Variants in KCTD16 observed in about 807,000 individuals in gnomAD.
The protein encoded by KCTD16 is potassium channel tetramerization domain containing 16.
Under a neutral mutation model 33.2 loss-of-function variants are expected in KCTD16, and 13 were observed. That is an observed-to-expected ratio of 0.39 (90% CI 0.25 to 0.62). KCTD16 has a LOEUF of 0.62. KCTD16 is among the 20% of genes least tolerant of loss of function. The pLI is 0.50. For synonymous variants in KCTD16, 197 were observed against 195.3 expected (o/e 1.01, Z -0.07); for missense variants, 441 against 525.1 (o/e 0.84, Z 1.57).
chr5:144,422,064 T>C (rs1753224775), intron 3 of KCTD16, among the ~76,000 whole-genome samples: 1 of 152,162 alleles, frequency 6.6e-6, no homozygotes, highest in African/African-American at 2.4e-5. Context: ...ACTTATCACA[T>C]ACTCTGACTC....
intron 3 of KCTD16, chr5:144,385,452 T>G (rs1752303421): frequency 6.6e-6 from 1 of 152,198 alleles, no homozygotes; most frequent in African/African-American, 2.4e-5. Flanking sequence ...CACTTCTACT[T>G]CTTCTGAGTG....
chr5:144,319,965 C>T (rs1407575016), intron 3 of KCTD16, among the ~76,000 whole-genome samples: 3 of 152,000 alleles, frequency 2.0e-5, no homozygotes, highest in Admixed American at 1.3e-4. Context: ...CTTATATTAG[C>T]AAAGAGTTAT....
intron 3 of KCTD16, among the ~76,000 whole-genome samples, chr5:144,295,088 A>T (rs1755999090): frequency 1.3e-5 from 2 of 152,204 alleles, no homozygotes; most frequent in Non-Finnish European, 2.9e-5. Context: ...ATAAAGGGGG[A>T]TAATAACAGT....
At chr5:144,361,680 T>C (rs2126916831) in intron 3 of KCTD16, among the ~76,000 whole-genome samples, 1 of 152,358 alleles carries the variant, frequency 6.6e-6, no homozygotes, top group East Asian at 1.9e-4. Flanking sequence ...GCCACAATTA[T>C]GTTAAATATT....
At chr5:144,406,376 A>G (rs13156674) in intron 3 of KCTD16, among the ~76,000 whole-genome samples, 2,779 of 152,358 alleles carry the variant, frequency 0.018, 45 homozygotes, top group Middle Eastern at 0.048. Flanking sequence ...AAAGGAAAAG[A>G]AAAGTCCTTA....
At position 144,454,693 on chromosome 5, in the gene KCTD16, C is replaced by A. The variant is rs930971864; in HGVS notation, c.833-18967C>A. 1.3e-5 allele frequency among the ~76,000 whole-genome samples: 2 copies of A among 152,076 alleles called. 1 individual carries two copies. The highest frequency in any genetic ancestry group is 4.1e-4 in the South Asian group (2 of 4,828). ...AGAAGGAAACGCTTCATCCTATTATCCTCTCTTCTTTACCCTATGGGTATA... is the reference window on the plus strand; with the variant it reads ...AGAAGGAAACGCTTCATCCTATTATACTCTCTTCTTTACCCTATGGGTATA... On this transcript the variant is annotated intron_variant, in intron 3 of 3. Transcript: ENST00000512467.
At chr5:144,399,671 C>T (rs1554092539) in intron 3 of KCTD16, among the ~76,000 whole-genome samples, 3 of 152,060 alleles carry the variant, frequency 2.0e-5, no homozygotes, top group Non-Finnish European at 4.4e-5. Context: ...ATTGATACAC[C>T]AGATGAACAA....
chr5:144,245,941 T>C (rs1754537843), intron 3 of KCTD16, among the ~76,000 whole-genome samples: 1 of 152,196 alleles, frequency 6.6e-6, no homozygotes, highest in Non-Finnish European at 1.5e-5. Context: ...TATCTCTTTA[T>C]AGCAATGTAA....
At chr5:144,274,356 G>A (rs1463410429) in intron 3 of KCTD16, among the ~76,000 whole-genome samples, 1 of 152,134 alleles carries the variant, frequency 6.6e-6, no homozygotes, top group Non-Finnish European at 1.5e-5. Context: ...ATAGAGTAGA[G>A]CAATGAATAG....
At chr5:144,272,501 C>G (rs1158437950) in intron 3 of KCTD16, among the ~76,000 whole-genome samples, 1 of 151,938 alleles carries the variant, frequency 6.6e-6, no homozygotes. Flanking sequence ...TCAAGAGACC[C>G]CCAAAAGCCA....
At chr5:144,203,218 C>T (rs917814991) in intron 2 of KCTD16, among the ~76,000 whole-genome samples, 45 of 151,790 alleles carry the variant, frequency 3.0e-4, no homozygotes, top group African/African-American at 1.1e-3. Context: ...AATCTTTTAA[C>T]TCTGCAATTT....
chr5:144,468,837 T>G (rs1218358321), intron 3 of KCTD16, among the ~76,000 whole-genome samples: 1 of 152,196 alleles, frequency 6.6e-6, no homozygotes. Flanking sequence ...TGTGGGTACA[T>G]TGCAGAGCTT....
At chr5:144,274,450 G>A (rs756926632) in intron 3 of KCTD16, among the ~76,000 whole-genome samples, 5 of 152,144 alleles carry the variant, frequency 3.3e-5, no homozygotes, top group Non-Finnish European at 5.9e-5. Flanking sequence ...GAATGAGAAG[G>A]CAGAAGAAAT....
chr5:144,358,770 T>C (rs1350041382), intron 3 of KCTD16, among the ~76,000 whole-genome samples: 1 of 152,216 alleles, frequency 6.6e-6, no homozygotes, highest in African/African-American at 2.4e-5. Flanking sequence ...CATAGAAGGC[T>C]GTCTTCTCAC....
chr5:144,485,521 A>C lies in KCTD16; in HGVS notation c.*11407A>C, dbSNP rs1452320374. 1 of 151,948 alleles carries C rather than the reference A, an allele frequency of 6.6e-6. No homozygotes were observed. The highest frequency in any genetic ancestry group is 6.6e-5 in the Admixed American group (1 of 15,220). The allele number at this position is 151,948 out of a possible 1,614,324, so 9.4% of individuals were successfully genotyped here. A position where few individuals can be genotyped will look rare whatever the true frequency, so the allele number is the denominator to read the frequency against. On this transcript the variant is annotated 3_prime_UTR_variant, in exon 4 of 4. Coordinates refer to ENST00000512467, the MANE Select transcript of KCTD16 (RefSeq NM_020768.4). ...TAAAATTGTATGGTGAAAACTACAA[A>C]AGTCATTCTGTGGATATATTTTAAA...
At chr5:144,401,281 C>T (rs942630714) in intron 3 of KCTD16, among the ~76,000 whole-genome samples, 1 of 152,046 alleles carries the variant, frequency 6.6e-6, no homozygotes, top group East Asian at 1.9e-4. Context: ...GAATTGACAG[C>T]GATGGATAAC....
At chr5:144,458,338 C>T (rs1264679316) in intron 3 of KCTD16, among the ~76,000 whole-genome samples, 1 of 152,110 alleles carries the variant, frequency 6.6e-6, no homozygotes, top group African/African-American at 2.4e-5. Context: ...ACTGGGTACT[C>T]AATTCTACCA....
intron 3 of KCTD16, among the ~76,000 whole-genome samples, chr5:144,390,085 C>T (rs147608668): frequency 2.0e-4 from 31 of 152,196 alleles, no homozygotes; most frequent in Non-Finnish European, 4.1e-4. Context: ...TATCATTCAT[C>T]TCTAAAGTGA....
intron 2 of KCTD16, chr5:144,205,275 C>T: frequency 3.0e-6 from 1 of 332,552 alleles, no homozygotes; most frequent in Non-Finnish European, 5.4e-6. Flanking sequence ...GGCAACCTGT[C>T]ACCGAGGAGG....
Sources: allele counts gnomAD v4.1 joint callset (sites outside exome capture counted in the v4.1 genomes callset), GRCh38; gene constraint gnomAD v4.1.1; transcripts MANE v1.5; gene names NCBI Gene and HGNC (gene_info 2026-07-23, HGNC 2026-07-21).